KDM2B: variants seen among roughly 807,000 people sequenced by gnomAD.
KDM2B encodes the protein lysine-specific demethylase 2B.
A neutral mutation model predicts 150.0 loss-of-function variants in KDM2B; 26 were observed. The observed-to-expected ratio is 0.17, with a 90% CI of 0.13 to 0.24. KDM2B has a LOEUF of 0.24. Among genes scored for constraint, KDM2B ranks in the 10% least tolerant of loss-of-function variants. The pLI, the probability that KDM2B is intolerant of heterozygous loss-of-function variation, is 1.00. For missense variants in KDM2B, 1,265 were observed against 1,816.9 expected, an observed-to-expected ratio of 0.70 and a Z score of 5.52; for synonymous variants, 734 against 729.5, an observed-to-expected ratio of 1.01 and a Z score of -0.10.
At chr12:121,498,474 G>T (rs1043783739) in intron 11 of KDM2B, among the ~76,000 whole-genome samples, 1 of 152,336 alleles carries the variant, frequency 6.6e-6, no homozygotes, top group Admixed American at 6.5e-5. Flanking sequence ...AATCAAAGAT[G>T]CAGAGTTTTA....
At chr12:121,488,769 C>G (rs1883040621) in intron 12 of KDM2B, among the ~76,000 whole-genome samples, 1 of 151,294 alleles carries the variant, frequency 6.6e-6, no homozygotes, top group African/African-American at 2.4e-5. Flanking sequence ...TTACAGGTGC[C>G]CACCACCAGG....
At position 121,533,835 on chromosome 12, in the gene KDM2B, C is replaced by T. The variant is rs1361499308; in HGVS notation, c.777+662G>A. ...TTCTAGGGAAAGAAGCGACCCTGGGCCAGGAGCCATGGCCCACGCCTACAA... is the reference window on the plus strand; with the variant it reads ...TTCTAGGGAAAGAAGCGACCCTGGGTCAGGAGCCATGGCCCACGCCTACAA... On this transcript the variant is annotated intron_variant, in intron 7 of 22. Coordinates refer to ENST00000377071, the MANE Select transcript of KDM2B (RefSeq NM_032590.5). The surrounding 1 kb of genome is among the most constrained non-coding windows in gnomAD (Gnocchi z 4.1). Among the ~76,000 whole-genome samples, 1 of 152,168 alleles carries T rather than the reference C, an allele frequency of 6.6e-6. No individual in the cohort carries two copies. Among genetic ancestry groups the T allele is most frequent in the Non-Finnish European group, 1.5e-5 (1 of 68,024 alleles).
Position 121,533,619 on chromosome 12 carries a change from G to T in KDM2B, c.778-660C>A, listed in dbSNP as rs1010138216. On this transcript the variant is annotated intron_variant, in intron 7 of 22. Coordinates refer to ENST00000377071, the MANE Select transcript of KDM2B (RefSeq NM_032590.5). This position sits in a 1 kb window ranked among gnomAD's most constrained non-coding sequence, Gnocchi z 4.1. The stretch of plus-strand genomic sequence containing the variant: ...GGCAACTAGACTTTAAAGTAAAAAG[G>T]TCCCAGGGCAGGAGCTGAGATGACA... Among the ~76,000 whole-genome samples, 1 of 152,178 alleles carries T rather than the reference G, an allele frequency of 6.6e-6. No individual in the cohort carries two copies. Among genetic ancestry groups the T allele is most frequent in the Non-Finnish European group, 1.5e-5 (1 of 68,034 alleles).
intron 13 of KDM2B, among the ~76,000 whole-genome samples, chr12:121,449,645 G>A (rs1170520347): frequency 2.0e-5 from 3 of 152,122 alleles, no homozygotes; most frequent in Non-Finnish European, 2.9e-5. Flanking sequence ...GTTCATTACT[G>A]GCACACATTG....
At position 121,442,729 on chromosome 12, in the gene KDM2B, G is replaced by A; in HGVS notation, c.2712C>T (p.Thr904=). 2 of 1,563,148 alleles carry A rather than the reference G, an allele frequency of 1.3e-6. No individual in the cohort carries two copies. Among genetic ancestry groups the A allele is most frequent in the Non-Finnish European group, 1.7e-6 (2 of 1,158,918 alleles). The part of the protein sequence containing the change: ...EDELPEAPPK[T]RESDHSRSSS... ...TGGAGCGGGAGTGGTCGCTCTCCCTGGTCTTGGGGGGCGCCTCGGGCAGTT... is the reference window on the plus strand; with the variant it reads ...TGGAGCGGGAGTGGTCGCTCTCCCTAGTCTTGGGGGGCGCCTCGGGCAGTT... Residue 904 remains threonine (T), a synonymous_variant, in exon 19 of 23, where the codon ACC becomes ACT. Transcript: ENST00000377071. The surrounding 1 kb of genome is among the most constrained non-coding windows in gnomAD (Gnocchi z 7.7).
At chr12:121,550,669 T>C in intron 4 of KDM2B, among the ~76,000 whole-genome samples, 1 of 152,230 alleles carries the variant, frequency 6.6e-6, no homozygotes, top group East Asian at 1.9e-4. Context: ...AAGTTTTATA[T>C]TTTTAGTAGA....
chr12:121,535,597 A>G (rs1594074520), intron 6 of KDM2B, among the ~76,000 whole-genome samples: 1 of 152,218 alleles, frequency 6.6e-6, no homozygotes, highest in South Asian at 2.1e-4. Flanking sequence ...CAAGTAAAGA[A>G]TTTAAGAGAA....
Position 121,549,117 on chromosome 12 carries a change from G to A in KDM2B, c.577-134C>T. ...GGGCTCAATAGTCCCAACATGGGAG[G>A]AAGGAAGGGCAGGGATGACAGGACC... On this transcript the variant is annotated intron_variant, in intron 5 of 22. Transcript: ENST00000377071. This position sits in a 1 kb window ranked among gnomAD's most constrained non-coding sequence, Gnocchi z 4.4. The A allele has an allele frequency of 1.5e-6, 1 of 689,456 alleles. No homozygotes were observed. Among genetic ancestry groups the A allele is most frequent in the South Asian group, 1.8e-5 (1 of 56,366 alleles). 42.7% of individuals were successfully genotyped at this position (689,456 alleles called of 1,614,324 possible). A position where few individuals can be genotyped will look rare whatever the true frequency, so the allele number is the denominator to read the frequency against.
chr12:121,580,307 T>A (rs1323866043), intron 1 of KDM2B: 8 of 1,004,008 alleles, frequency 8.0e-6, no homozygotes, highest in African/African-American at 4.0e-5. Context: ...TTGTTGCCGA[T>A]CGCGCTCGGA....
intron 21 of KDM2B, 62 bp downstream of exon 21, chr12:121,440,754 C>G (rs1874877383): frequency 1.6e-5 from 23 of 1,455,436 alleles, no homozygotes; most frequent in Non-Finnish European, 2.1e-5. Flanking sequence ...AGGGTAAAAG[C>G]AGATCCAACA....
intron 12 of KDM2B, among the ~76,000 whole-genome samples, chr12:121,485,606 C>T (rs1215650713): frequency 2.0e-5 from 3 of 151,258 alleles, no homozygotes; most frequent in South Asian, 2.1e-4. Flanking sequence ...AACTTTCCGT[C>T]GGGGGGCAGT....
At chr12:121,530,813 C>T (rs944453013) in intron 8 of KDM2B, among the ~76,000 whole-genome samples, 3 of 152,138 alleles carry the variant, frequency 2.0e-5, no homozygotes, top group Admixed American at 1.3e-4. Context: ...CCATCCCACA[C>T]AGGGGAAAAG....
At chr12:121,538,051 C>T (rs1415057241) in intron 6 of KDM2B, among the ~76,000 whole-genome samples, 1 of 151,334 alleles carries the variant, frequency 6.6e-6, no homozygotes, top group Non-Finnish European at 1.5e-5. Context: ...CTGCCAGGCC[C>T]CGGCCGAGGA....
chr12:121,470,927 C>T (rs1880705795), intron 12 of KDM2B, among the ~76,000 whole-genome samples: 2 of 152,216 alleles, frequency 1.3e-5, no homozygotes, highest in Admixed American at 6.5e-5. Context: ...GACATGATAA[C>T]GTAGTGGGTT....
chr12:121,551,828 C>G (rs1267739472), intron 4 of KDM2B, among the ~76,000 whole-genome samples: 1 of 152,182 alleles, frequency 6.6e-6, no homozygotes, highest in Non-Finnish European at 1.5e-5. Flanking sequence ...GCTGGGATTA[C>G]AGGTGTGAGC....
chr12:121,564,439 C>T (rs1890557571), intron 4 of KDM2B, among the ~76,000 whole-genome samples: 1 of 151,972 alleles, frequency 6.6e-6, no homozygotes, highest in Non-Finnish European at 1.5e-5. Context: ...GCCTGGGCAA[C>T]AGAGCGAGAA....
At chr12:121,495,316 A>G (rs1555300772) in intron 11 of KDM2B, among the ~76,000 whole-genome samples, 2 of 152,114 alleles carry the variant, frequency 1.3e-5, no homozygotes, top group Non-Finnish European at 2.9e-5. Flanking sequence ...GTGCACCACC[A>G]CGCTGGGCTA....
chr12:121,577,500 A>G (rs1891577307), intron 2 of KDM2B, among the ~76,000 whole-genome samples: 1 of 151,998 alleles, frequency 6.6e-6, no homozygotes. Context: ...CCCCCAACAA[A>G]CACCCCTCAC....
chr12:121,423,470 T>C, the KDM2B span: 1 of 1,613,848 alleles, frequency 6.2e-7, no homozygotes. This position sits in a 1 kb window ranked among gnomAD's most constrained non-coding sequence, Gnocchi z 4.3. Flanking sequence ...TGTGTCCTAC[T>C]GGAGTGTGGG....
Sources: gnomAD v4.1 joint callset for allele counts (sites outside exome capture counted in the v4.1 genomes callset) on GRCh38, gnomAD v4.1.1 for gene constraint, Gnocchi (gnomAD v3.1) non-coding constraint, MANE v1.5 for transcripts, NCBI Gene and HGNC (gene_info 2026-07-23, HGNC 2026-07-21) for gene names.